BDP1: variants seen among roughly 807,000 people sequenced by gnomAD.
BDP1 encodes BDP1 general transcription factor IIIB subunit, also known as transcription factor TFIIIB component B'' homolog.
A neutral mutation model predicts 266.6 loss-of-function variants in BDP1; 169 were observed. The observed-to-expected ratio is 0.63, with a 90% CI of 0.56 to 0.72. BDP1 has a LOEUF of 0.72. BDP1 is among the 30% of genes least tolerant of loss of function. The probability of loss-of-function intolerance (pLI) is 0.00; values close to 1 mark genes in which losing one functional copy is unlikely to be tolerated. For missense variants in BDP1, 3,015 were observed against 3,053.8 expected (o/e 0.99, Z 0.30); for synonymous variants, 1,090 against 1,022.4 (o/e 1.07, Z -1.26).
chr5:71,517,831 C>T (rs1359595450), intron 22 of BDP1, among the ~76,000 whole-genome samples: 1 of 152,040 alleles, frequency 6.6e-6, no homozygotes, highest in Non-Finnish European at 1.5e-5. Flanking sequence ...TTTGGGAAGC[C>T]AAGACGAGAG....
rs752427670 is a variant in BDP1 at position 71,470,405 on chromosome 5, G to GT, written c.938dup (p.Leu313PhefsTer9). On this transcript the variant is annotated frameshift_variant, in exon 7 of 39. Transcript: ENST00000358731. LOFTEE classifies it high-confidence loss of function. Reference sequence around the variant, plus strand: ...CTTTTATTTTCACAGAAACAGATATGTTTTTTTTAGCCATCAGCATGGTAG... The same window carrying GT: ...CTTTTATTTTCACAGAAACAGATATGTTTTTTTTTAGCCATCAGCATGGTAG... 3.4e-5 allele frequency: 55 copies of GT among 1,594,342 alleles called. No individual in the cohort carries two copies. The highest frequency in any genetic ancestry group is 5.7e-5 in the South Asian group (5 of 88,392).
At chr5:71,541,007 A>G (rs1766932375) in intron 28 of BDP1, among the ~76,000 whole-genome samples, 1 of 152,162 alleles carries the variant, frequency 6.6e-6, no homozygotes, top group African/African-American at 2.4e-5. Context: ...AAAGTCTCTG[A>G]TTTGTGTTCT....
chr5:71,525,474 G>T (rs1765771321), intron 25 of BDP1, among the ~76,000 whole-genome samples: 2 of 133,734 alleles, frequency 1.5e-5, no homozygotes, highest in Admixed American at 7.2e-5. Context: ...GGACGGGGCG[G>T]CTGGCCGGGC....
At chr5:71,458,909 A>C in intron 2 of BDP1, 54 bp downstream of exon 2, 1 of 1,519,046 alleles carries the variant, frequency 6.6e-7, no homozygotes, top group East Asian at 2.3e-5. Context: ...GTTAGTAAGG[A>C]ATCATTGGGA....
At chr5:71,508,781 A>G (rs1764730026) in intron 16 of BDP1, among the ~76,000 whole-genome samples, 1 of 152,150 alleles carries the variant, frequency 6.6e-6, no homozygotes, top group African/African-American at 2.4e-5. Flanking sequence ...CAGAAAGCAA[A>G]ACAAAAAGTG....
At chr5:71,551,732 G>T (rs1742778382) in intron 34 of BDP1, among the ~76,000 whole-genome samples, 1 of 150,928 alleles carries the variant, frequency 6.6e-6, no homozygotes, top group East Asian at 2.0e-4. Flanking sequence ...GCCGGGCAGA[G>T]GTGCCCCTCA....
At chr5:71,534,114 G>A (rs537749130) in intron 26 of BDP1, among the ~76,000 whole-genome samples, 30 of 152,188 alleles carry the variant, frequency 2.0e-4, no homozygotes, top group African/African-American at 7.2e-4. Context: ...CAGTTAATCT[G>A]TTTTTTCATT....
Position 71,542,198 on chromosome 5 carries a change from G to T in BDP1, c.6345G>T (p.Arg2115Ser), listed in dbSNP as rs766958325. The change falls in exon 30 of 39, where the codon AGG becomes AGT. Residue 2115 changes from arginine to serine, a missense_variant. This residue lies in a region of BDP1 where 629 missense variants were observed against 632.5 expected (regional missense o/e 0.99). Transcript: ENST00000358731. ...TTGAGAAGACTTTAGGGACCAACAG[G>T]CTTGATGATTATCAGGAAGTTTCCA... is the stretch of plus-strand genomic sequence containing the variant. ...PNLEKTLGTNRLDDYQEVSSL... is the reference protein window; with the variant it reads ...PNLEKTLGTNSLDDYQEVSSL... 5 of 1,613,322 alleles carry T rather than the reference G, an allele frequency of 3.1e-6. No individual in the cohort carries two copies. The highest frequency in any genetic ancestry group is 2.2e-5 in the South Asian group (2 of 90,928).
At chr5:71,549,363 G>T in intron 33 of BDP1, 57 bp from the exon 34 acceptor site, 1 of 1,287,546 alleles carries the variant, frequency 7.8e-7, no homozygotes, top group Non-Finnish European at 1.1e-6. Context: ...ATAAATTAAT[G>T]ATACTCTGTT....
chr5:71,533,467 G>C (rs1211087728), intron 26 of BDP1, among the ~76,000 whole-genome samples: 2 of 137,270 alleles, frequency 1.5e-5, no homozygotes, highest in African/African-American at 5.1e-5. Flanking sequence ...TTGTTCGGTG[G>C]ATTTTTTTTT....
chr5:71,470,532 A>T, intron 7 of BDP1, 43 bp downstream of exon 7: 2 of 1,274,804 alleles, frequency 1.6e-6, no homozygotes, highest in Non-Finnish European at 2.3e-6. Context: ...AAGAGACCAA[A>T]CATTACAAAT....
intron 13 of BDP1, among the ~76,000 whole-genome samples, chr5:71,498,723 G>A (rs1040258849): frequency 7.4e-6 from 1 of 134,848 alleles, no homozygotes; most frequent in Non-Finnish European, 1.6e-5. Context: ...CACGCCTGCC[G>A]TCTTTTTTTT....
chr5:71,562,027 G>A (rs996313501), intron 37 of BDP1, among the ~76,000 whole-genome samples: 3 of 151,650 alleles, frequency 2.0e-5, no homozygotes, highest in African/African-American at 7.3e-5. Flanking sequence ...GGCAGATGAC[G>A]ACGTCAGGAG....
chr5:71,505,699 G>A (rs1376976073), intron 16 of BDP1, among the ~76,000 whole-genome samples: 1 of 152,130 alleles, frequency 6.6e-6, no homozygotes, highest in Non-Finnish European at 1.5e-5. Context: ...AGCTGTATTA[G>A]CCTATTTAAA....
At chr5:71,576,577 C>A in the BDP1 span, among the ~76,000 whole-genome samples, 4 of 152,292 alleles carry the variant, frequency 2.6e-5, no homozygotes, top group African/African-American at 9.6e-5. Flanking sequence ...GTTCCTACCC[C>A]CCTCCATAGA....
intron 25 of BDP1, among the ~76,000 whole-genome samples, chr5:71,526,129 T>C (rs1413323078): frequency 9.9e-5 from 15 of 152,196 alleles, no homozygotes; most frequent in Non-Finnish European, 2.1e-4. Flanking sequence ...ATCACGCCAC[T>C]GCACTCCAGC....
intron 12 of BDP1, among the ~76,000 whole-genome samples, chr5:71,496,606 G>A (rs191815823): frequency 2.0e-5 from 3 of 152,128 alleles, no homozygotes; most frequent in African/African-American, 7.2e-5. Flanking sequence ...TCCAGAGACG[G>A]AGTCTTGCTC....
At position 71,562,367 on chromosome 5, in the gene BDP1, C is replaced by T. The variant is rs277941; in HGVS notation, c.7590C>T (p.Arg2530=). Residue 2530 remains arginine (R), a synonymous_variant, in exon 38 of 39, where the codon CGC becomes CGT. Transcript: ENST00000358731. ...DEPMQVHSKK[R]LKPLIPGLRK... ...CTATGCAAGTCCATAGTAAGAAACG[C>T]CTAAAACCTCTTATACCTGGATTAA... 548,882 of 1,611,860 alleles carry T rather than the reference C, an allele frequency of 0.34. 98,334 individuals carry two copies. Among genetic ancestry groups the T allele is most frequent in the Admixed American group, 0.57 (33,916 of 59,920 alleles).
chr5:71,510,502 C>A lies in BDP1; in HGVS notation c.3410C>A (p.Ala1137Asp). The change falls in exon 17 of 39, where the codon GCC becomes GAC. Residue 1137 changes from alanine (A) to aspartate (D), a missense_variant. By Grantham distance (126) the Ala-to-Asp change is moderately radical (BLOSUM62 -2). Transcript: ENST00000358731. ...PREKTPEVID[A>D]TEEIDKDLEE... ...GAGAAGACACCAGAGGTGATTGATGCCACTGAGGAAATAGACAAAGATCTG... is the reference window on the plus strand; with the variant it reads ...GAGAAGACACCAGAGGTGATTGATGACACTGAGGAAATAGACAAAGATCTG... The A allele has an allele frequency of 1.2e-6, 2 of 1,613,396 alleles. No homozygotes were observed. The highest frequency in any genetic ancestry group is 1.7e-6 in the Non-Finnish European group (2 of 1,179,902).
Sources: gnomAD v4.1 joint callset for allele counts (sites outside exome capture counted in the v4.1 genomes callset) on GRCh38, gnomAD v4.1.1 for gene constraint, gnomAD v4.1.1 regional missense constraint, MANE v1.5 for transcripts, NCBI Gene and HGNC (gene_info 2026-07-23, HGNC 2026-07-21) for gene names.